ST6GALNAC3: variants seen among roughly 807,000 people sequenced by gnomAD.
ST6GALNAC3 encodes ST6 N-acetylgalactosaminide alpha-2,6-sialyltransferase 3.
A neutral mutation model predicts 32.7 loss-of-function variants in ST6GALNAC3; 25 were observed. The observed-to-expected ratio is 0.76, with a 90% CI of 0.56 to 1.07. The LOEUF (loss-of-function observed/expected upper bound fraction) is 1.07. Ranked by LOEUF, ST6GALNAC3 falls within the 50% of genes least tolerant of loss-of-function variation. ST6GALNAC3 has a pLI of 0.00. For missense variants in ST6GALNAC3, 355 were observed against 382.4 expected (o/e 0.93, Z 0.60); for synonymous variants, 129 against 133.1 (o/e 0.97, Z 0.21).
intron 2 of ST6GALNAC3, among the ~76,000 whole-genome samples, chr1:76,326,832 T>G (rs1186129337): frequency 6.6e-6 from 1 of 151,042 alleles, no homozygotes; most frequent in African/African-American, 2.4e-5. Flanking sequence ...TTGGGTTTTT[T>G]TTTTTTTTTT....
intron 1 of ST6GALNAC3, among the ~76,000 whole-genome samples, chr1:76,282,320 G>A (rs1046751510): frequency 6.6e-6 from 1 of 152,020 alleles, no homozygotes; most frequent in East Asian, 1.9e-4. Flanking sequence ...TGTGATATAT[G>A]TATAATTTTA....
chr1:76,400,599 A>G (rs1653332759), intron 2 of ST6GALNAC3, among the ~76,000 whole-genome samples: 1 of 152,142 alleles, frequency 6.6e-6, no homozygotes, highest in Admixed American at 6.6e-5. Flanking sequence ...AGAAAGTGTA[A>G]TGTTACGCTG....
chr1:76,163,303 T>C (rs1651925475), intron 1 of ST6GALNAC3, among the ~76,000 whole-genome samples: 2 of 152,240 alleles, frequency 1.3e-5, no homozygotes, highest in Admixed American at 1.3e-4. Context: ...TTTTGTATTA[T>C]GAGTCTCCAG....
chr1:76,509,473 G>A lies in ST6GALNAC3; in HGVS notation c.623+97056G>A, dbSNP rs1460458676. 3.3e-5 allele frequency among the ~76,000 whole-genome samples: 5 copies of A among 152,258 alleles called. No homozygotes were observed. The highest frequency in any genetic ancestry group is 2.1e-4 in the South Asian group (1 of 4,822). On this transcript the variant is annotated intron_variant, in intron 3 of 4. Coordinates refer to ENST00000328299, the MANE Select transcript of ST6GALNAC3 (RefSeq NM_152996.4). This position sits in a 1 kb window ranked among gnomAD's most constrained non-coding sequence, Gnocchi z 5.5. Reference sequence around the variant, plus strand: ...AATTCTGACACTTTGAAATGTAAGAGCAGTTCTTGAGGTATTGAATCTACA... The same window carrying A: ...AATTCTGACACTTTGAAATGTAAGAACAGTTCTTGAGGTATTGAATCTACA...
At position 76,478,760 on chromosome 1, in the gene ST6GALNAC3, C is replaced by CTTTTTTTTTTT. The variant is rs397861238; in HGVS notation, c.623+66353_623+66363dup. ...TATTCCTTCCCCTAGTTTATTAATT[C>CTTTTTTTTTTT]TTTTTTTTTTTTTTTTTTTTGAGAT... is the stretch of plus-strand genomic sequence containing the variant. On this transcript the variant is annotated intron_variant, in intron 3 of 4. Coordinates refer to ENST00000328299, the MANE Select transcript of ST6GALNAC3 (RefSeq NM_152996.4). Among the ~76,000 whole-genome samples the CTTTTTTTTTTT allele has an allele frequency of 9.2e-5, 10 of 109,052 alleles. 1 individual carries two copies. Among genetic ancestry groups the CTTTTTTTTTTT allele is most frequent in the East Asian group, 2.9e-4 (1 of 3,414 alleles). 71.5% of individuals were successfully genotyped at this position (109,052 alleles called of 152,430 possible).
chr1:76,324,624 A>G (rs1647032469), intron 2 of ST6GALNAC3, among the ~76,000 whole-genome samples: 1 of 152,220 alleles, frequency 6.6e-6, no homozygotes, highest in Admixed American at 6.5e-5. Context: ...AAAGTCTGAG[A>G]AACCCCCACA....
intron 3 of ST6GALNAC3, among the ~76,000 whole-genome samples, chr1:76,546,265 G>T (rs911007229): frequency 6.6e-6 from 1 of 152,162 alleles, no homozygotes; most frequent in Non-Finnish European, 1.5e-5. Flanking sequence ...TATTTGGAAG[G>T]TTGAGTATAT....
chr1:76,478,464 T>C (rs1287058125), intron 3 of ST6GALNAC3, among the ~76,000 whole-genome samples: 1 of 152,184 alleles, frequency 6.6e-6, no homozygotes, highest in East Asian at 1.9e-4. Context: ...GTTTATCCTG[T>C]GTTTGGTGTA....
intron 3 of ST6GALNAC3, among the ~76,000 whole-genome samples, chr1:76,518,939 C>A (rs1444474412): frequency 6.6e-6 from 1 of 152,004 alleles, no homozygotes; most frequent in Non-Finnish European, 1.5e-5. Flanking sequence ...TTGTGATGCA[C>A]GCCTATAGCC....
chr1:76,079,786 C>G (rs940624124), intron 1 of ST6GALNAC3, among the ~76,000 whole-genome samples: 1 of 152,168 alleles, frequency 6.6e-6, no homozygotes, highest in Admixed American at 6.5e-5. Flanking sequence ...AGGAAAACCT[C>G]TCAACTCTGC....
At chr1:76,432,883 G>C (rs34130960) in intron 3 of ST6GALNAC3, among the ~76,000 whole-genome samples, 1 of 152,128 alleles carries the variant, frequency 6.6e-6, no homozygotes. Context: ...AATGAAAATT[G>C]TTTCAAAAGG....
At chr1:76,302,474 A>G (rs962727053) in intron 1 of ST6GALNAC3, among the ~76,000 whole-genome samples, 8 of 151,968 alleles carry the variant, frequency 5.3e-5, no homozygotes, top group African/African-American at 1.7e-4. Context: ...TTGGTGTTTC[A>G]GCTTTTTGCA....
chr1:76,161,263 A>G (rs916863287), intron 1 of ST6GALNAC3, among the ~76,000 whole-genome samples: 4 of 152,236 alleles, frequency 2.6e-5, no homozygotes, highest in African/African-American at 9.6e-5. Context: ...AGTGTAAACT[A>G]AATTATCACT....
intron 2 of ST6GALNAC3, among the ~76,000 whole-genome samples, chr1:76,401,935 C>T (rs1367559087): frequency 6.6e-6 from 1 of 152,150 alleles, no homozygotes; most frequent in Admixed American, 6.5e-5. Context: ...ACTAATGCCC[C>T]TGGGGCAAAA....
Position 76,187,069 on chromosome 1 carries a change from T to A in ST6GALNAC3, c.18+112185T>A, listed in dbSNP as rs187137203. Among the ~76,000 whole-genome samples, 27 of 152,296 alleles carry A rather than the reference T, an allele frequency of 1.8e-4. 1 individual carries two copies. In the East Asian group the frequency reaches 5.2e-3, roughly 29 times the overall value. ...ATGTGCCATTTCAACCTCTTGTTACTGTGAAAGTTTTAGTTCCGGCATTGG... is the reference window on the plus strand; with the variant it reads ...ATGTGCCATTTCAACCTCTTGTTACAGTGAAAGTTTTAGTTCCGGCATTGG... On this transcript the variant is annotated intron_variant, in intron 1 of 4. Transcript: ENST00000328299.
intron 1 of ST6GALNAC3, among the ~76,000 whole-genome samples, chr1:76,249,129 C>T (rs1195025258): frequency 6.6e-6 from 1 of 152,170 alleles, no homozygotes; most frequent in Admixed American, 6.5e-5. Context: ...ATAACATTCA[C>T]CAGTTTGTAG....
chr1:76,303,164 A>G lies in ST6GALNAC3; in HGVS notation c.19-10641A>G, dbSNP rs113646019. Among the ~76,000 whole-genome samples, 508 of 152,142 alleles carry G rather than the reference A, an allele frequency of 3.3e-3. 3 individuals carry two copies. The highest frequency in any genetic ancestry group is 0.014 in the Middle Eastern group (4 of 294). ...ATGTTACAAAGTTACATTTCTATGC[A>G]AACGAAGACTTGGCCCACAATCAGT... On this transcript the variant is annotated intron_variant, in intron 1 of 4. Transcript: ENST00000328299.
rs968114783 is a variant in ST6GALNAC3, at chr1:76,634,598, C to T, written c.*5792C>T. On this transcript the variant is annotated 3_prime_UTR_variant, in exon 5 of 5. Transcript: ENST00000328299. Reference sequence around the variant, plus strand: ...TCTTAGAATAAAGCTTACAAAATGGCAAAGAGCTATTGGCATATTTCAGTT... The same window carrying T: ...TCTTAGAATAAAGCTTACAAAATGGTAAAGAGCTATTGGCATATTTCAGTT... 4 of 149,146 alleles carry T rather than the reference C, an allele frequency of 2.7e-5. No individual in the cohort carries two copies. Among genetic ancestry groups the T allele is most frequent in the African/African-American group, 9.8e-5 (4 of 40,694 alleles). 9.2% of individuals were successfully genotyped at this position (149,146 alleles called of 1,614,324 possible). A position where few individuals can be genotyped will look rare whatever the true frequency, so the allele number is the denominator to read the frequency against.
At chr1:76,358,417 C>T (rs753150774) in intron 2 of ST6GALNAC3, among the ~76,000 whole-genome samples, 15 of 152,130 alleles carry the variant, frequency 9.9e-5, no homozygotes, top group Admixed American at 2.0e-4. Flanking sequence ...TGTATTAAGT[C>T]AAAATTCTGG....
Sources: gnomAD v4.1 joint callset for allele counts (sites outside exome capture counted in the v4.1 genomes callset) on GRCh38, gnomAD v4.1.1 for gene constraint, Gnocchi (gnomAD v3.1) non-coding constraint, MANE v1.5 for transcripts, NCBI Gene and HGNC (gene_info 2026-07-23, HGNC 2026-07-21) for gene names.